The following KCNT2 variants were observed in gnomAD, a reference collection of about 807,000 sequenced individuals.
KCNT2 encodes the protein potassium channel subfamily T member 2.
Under a neutral mutation model 153.8 loss-of-function variants are expected in KCNT2, and 67 were observed. That is an observed-to-expected ratio of 0.44 (90% CI 0.36 to 0.53). The LOEUF is 0.53. KCNT2 is among the 20% of genes least tolerant of loss of function. KCNT2 has a pLI of 0.00. For synonymous variants in KCNT2, 500 were observed against 458.8 expected, an observed-to-expected ratio of 1.09 and a Z score of -1.15; for missense variants, 975 against 1,354.8, an observed-to-expected ratio of 0.72 and a Z score of 4.40.
chr1:196,328,340 A>C (rs888420503), intron 18 of KCNT2, among the ~76,000 whole-genome samples: 2 of 152,090 alleles, frequency 1.3e-5, no homozygotes, highest in African/African-American at 2.4e-5. Flanking sequence ...GAAGAAAAAA[A>C]ACAGAACCTA....
intron 5 of KCNT2, among the ~76,000 whole-genome samples, chr1:196,470,966 G>T (rs1290756302): frequency 7.0e-6 from 1 of 143,372 alleles, no homozygotes; most frequent in Non-Finnish European, 1.5e-5. Context: ...TGCAAGCTCC[G>T]CCTCCCTGGG....
At chr1:196,541,509 T>G (rs1041981578) in intron 1 of KCNT2, among the ~76,000 whole-genome samples, 2 of 152,116 alleles carry the variant, frequency 1.3e-5, no homozygotes, top group Non-Finnish European at 2.9e-5. Flanking sequence ...TACAAAGTCT[T>G]ATTGGCGCAC....
chr1:196,478,638 T>C (rs1301804060), intron 5 of KCNT2, among the ~76,000 whole-genome samples: 1 of 152,114 alleles, frequency 6.6e-6, no homozygotes, highest in Non-Finnish European at 1.5e-5. Flanking sequence ...CTCACTGGAA[T>C]TACCCATTAT....
At chr1:196,543,909 A>G (rs531715729) in intron 1 of KCNT2, among the ~76,000 whole-genome samples, 47 of 151,878 alleles carry the variant, frequency 3.1e-4, no homozygotes, top group African/African-American at 1.1e-3. Context: ...CCACAGAAAT[A>G]TAATTGTGTA....
chr1:196,405,922 G>C (rs894143229), intron 12 of KCNT2, among the ~76,000 whole-genome samples: 1 of 151,466 alleles, frequency 6.6e-6, no homozygotes, highest in Non-Finnish European at 1.5e-5. Context: ...AATAAATAAA[G>C]AGTAAAAGAA....
At chr1:196,574,784 T>C (rs1661161075) in intron 1 of KCNT2, among the ~76,000 whole-genome samples, 2 of 151,974 alleles carry the variant, frequency 1.3e-5, no homozygotes, top group South Asian at 4.1e-4. Flanking sequence ...CTTGCATTAT[T>C]CTATTATGAT....
chr1:196,462,389 A>G (rs192870472), intron 8 of KCNT2, among the ~76,000 whole-genome samples: 3 of 151,870 alleles, frequency 2.0e-5, no homozygotes, highest in Non-Finnish European at 4.4e-5. Flanking sequence ...TGAGAGACTC[A>G]AGTATTAGAA....
At chr1:196,439,212 G>T (rs1170348294) in intron 8 of KCNT2, among the ~76,000 whole-genome samples, 1 of 151,812 alleles carries the variant, frequency 6.6e-6, no homozygotes, top group Non-Finnish European at 1.5e-5. Flanking sequence ...AAAGAACACT[G>T]CCGCAGAATA....
intron 21 of KCNT2, among the ~76,000 whole-genome samples, chr1:196,307,742 A>G (rs547155284): frequency 2.0e-5 from 3 of 152,176 alleles, no homozygotes; most frequent in Non-Finnish European, 2.9e-5. Context: ...CTCACTCAAA[A>G]GTCACCCATG....
intron 13 of KCNT2, among the ~76,000 whole-genome samples, chr1:196,387,731 G>A (rs570660586): frequency 1.3e-5 from 2 of 151,770 alleles, no homozygotes; most frequent in African/African-American, 2.4e-5. Flanking sequence ...TAAAATATCC[G>A]TTCGATTCTT....
intron 1 of KCNT2, among the ~76,000 whole-genome samples, chr1:196,602,501 T>C (rs1664832461): frequency 6.6e-6 from 1 of 152,182 alleles, no homozygotes; most frequent in Non-Finnish European, 1.5e-5. Context: ...ATTAAGTCAC[T>C]CACAGAAGTA....
chr1:196,450,960 C>A (rs1272516947), intron 8 of KCNT2, among the ~76,000 whole-genome samples: 4 of 151,824 alleles, frequency 2.6e-5, no homozygotes, highest in African/African-American at 9.7e-5. Context: ...CTGTAGAGAG[C>A]AATTCCCTGA....
At chr1:196,285,864 T>A in intron 22 of KCNT2, 106 bp from the exon 23 acceptor site, 1 of 679,870 alleles carries the variant, frequency 1.5e-6, no homozygotes, top group Non-Finnish European at 2.7e-6. Context: ...ATCATATGGT[T>A]CTTAGCTATA....
At chr1:196,289,918 A>G (rs1179362884) in intron 22 of KCNT2, among the ~76,000 whole-genome samples, 1 of 152,024 alleles carries the variant, frequency 6.6e-6, no homozygotes, top group African/African-American at 2.4e-5. Flanking sequence ...GACACTTTTA[A>G]ATGTTTGGTC....
At chr1:196,573,237 GA>G (rs1660977718) in intron 1 of KCNT2, among the ~76,000 whole-genome samples, 1 of 152,098 alleles carries the variant, frequency 6.6e-6, no homozygotes, top group Non-Finnish European at 1.5e-5. Context: ...CTAAAAAAGA[GA>G]GAATTGTGAG....
chr1:196,457,084 A>G (rs1483712345), intron 8 of KCNT2, among the ~76,000 whole-genome samples: 14 of 151,898 alleles, frequency 9.2e-5, no homozygotes, highest in South Asian at 2.1e-4. Flanking sequence ...TTTGTATTCC[A>G]TATTTATTCA....
intron 21 of KCNT2, among the ~76,000 whole-genome samples, chr1:196,310,629 T>G (rs533485312): frequency 6.6e-6 from 1 of 152,028 alleles, no homozygotes; most frequent in South Asian, 2.1e-4. Flanking sequence ...CGTAAGATTA[T>G]GACTACTTGT....
chr1:196,353,550 A>C (rs1352415738), intron 14 of KCNT2, among the ~76,000 whole-genome samples: 1 of 152,004 alleles, frequency 6.6e-6, no homozygotes, highest in Non-Finnish European at 1.5e-5. Flanking sequence ...ATTGTTTCCA[A>C]GGTAAAGATA....
rs1320756579 is a variant in KCNT2 at position 196,315,887 on chromosome 1, C to A, written c.2483+5G>T. ...GTGGCAAGGTTGGATGATTCAGCCACTTACCTGAAGAGTGTCTGCACGTTC... is the reference window on the plus strand; with the variant it reads ...GTGGCAAGGTTGGATGATTCAGCCAATTACCTGAAGAGTGTCTGCACGTTC... On this transcript the variant is annotated splice_donor_5th_base_variant and intron_variant, in intron 21 of 27. Transcript: ENST00000294725. The A allele has an allele frequency of 6.3e-7, 1 of 1,599,332 alleles. No homozygotes were observed. Among genetic ancestry groups the A allele is most frequent in the African/African-American group, 1.3e-5 (1 of 74,190 alleles).
Sources: allele counts gnomAD v4.1 joint callset (sites outside exome capture counted in the v4.1 genomes callset), GRCh38; gene constraint gnomAD v4.1.1; transcripts MANE v1.5; gene names NCBI Gene and HGNC (gene_info 2026-07-23, HGNC 2026-07-21).